TTLL5: variants seen among roughly 807,000 people sequenced by gnomAD.
The protein encoded by TTLL5 is tubulin polyglutamylase TTLL5.
TTLL5 carries 132 observed loss-of-function variants against 168.4 expected under a neutral mutation model. That is an observed-to-expected ratio of 0.78 (90% CI 0.68 to 0.91). TTLL5 has a LOEUF of 0.91. Among genes scored for constraint, TTLL5 ranks in the 40% least tolerant of loss-of-function variants. The probability of loss-of-function intolerance (pLI) is 0.00; values close to 1 mark genes in which losing one functional copy is unlikely to be tolerated. For synonymous variants in TTLL5, 546 were observed against 558.6 expected (o/e 0.98, Z 0.32); for missense variants, 1,545 against 1,581.5 (o/e 0.98, Z 0.39).
At chr14:75,785,708 G>A (rs1892327448) in intron 26 of TTLL5, among the ~76,000 whole-genome samples, 1 of 152,166 alleles carries the variant, frequency 6.6e-6, no homozygotes, top group African/African-American at 2.4e-5. Flanking sequence ...TAAGGCCTCA[G>A]TTTTATTCCA....
At chr14:75,794,361 A>G (rs1029161911) in intron 27 of TTLL5, among the ~76,000 whole-genome samples, 1 of 151,896 alleles carries the variant, frequency 6.6e-6, no homozygotes, top group Non-Finnish European at 1.5e-5. Context: ...CTACACTTTT[A>G]TCATTGGGTC....
In TTLL5 at chr14:75,663,306, CTTCTCTT is replaced by C. The variant is rs1890873198; in HGVS notation, c.74+86_74+92del. 3 of 1,302,868 alleles carry C rather than the reference CTTCTCTT, an allele frequency of 2.3e-6. No homozygotes were observed. The African/African-American group carries it at 4.4e-5, about 19-fold the overall frequency. The allele number at this position is 1,302,868 out of a possible 1,614,324, so 80.7% of individuals were successfully genotyped here. ...CTTATATACTGTTTTACTATATACT[CTTCTCTT>C]TTACTTATGTACTCTTTTATCTAGT... On this transcript the variant is annotated intron_variant, in intron 2 of 31. Coordinates refer to ENST00000298832, the MANE Select transcript of TTLL5 (RefSeq NM_015072.5).
chr14:75,779,694 CA>C lies in TTLL5; in HGVS notation c.2511del (p.Gly838ValfsTer7). The C allele has an allele frequency of 6.2e-7, 1 of 1,610,522 alleles. No individual in the cohort carries two copies. The highest frequency in any genetic ancestry group is 1.3e-5 in the African/African-American group (1 of 74,702). On this transcript the variant is annotated frameshift_variant, in exon 24 of 32. Transcript: ENST00000298832. LOFTEE classifies it high-confidence loss of function. ...AACAACAATTATTCTGATAGTGGGG[CA>C]AAAGGTGGTAAGTATACTGGTTAAT... ...KNNNNYSDSGAKGDHPETIME... is the reference protein window; with the variant it reads ...KNNNNYSDSGXKGDHPETIME...
At chr14:75,880,922 C>G (rs550843592) in intron 29 of TTLL5, among the ~76,000 whole-genome samples, 3 of 151,988 alleles carry the variant, frequency 2.0e-5, no homozygotes, top group East Asian at 3.9e-4. Context: ...CTCTTCCCCC[C>G]GCTTTTTTTG....
chr14:75,675,884 G>A (rs914081998), intron 3 of TTLL5, among the ~76,000 whole-genome samples: 2 of 152,162 alleles, frequency 1.3e-5, no homozygotes, highest in Admixed American at 1.3e-4. Context: ...ATTGGTTTAT[G>A]TAATTATGTA....
At chr14:75,753,404 G>A (rs1890073404) in intron 18 of TTLL5, among the ~76,000 whole-genome samples, 1 of 152,126 alleles carries the variant, frequency 6.6e-6, no homozygotes, top group African/African-American at 2.4e-5. Context: ...CAGTACAAGG[G>A]AAAATGGAAA....
intron 15 of TTLL5, chr14:75,737,664 A>C: frequency 6.7e-7 from 1 of 1,499,940 alleles, no homozygotes; most frequent in Non-Finnish European, 8.9e-7. Flanking sequence ...CTCCAAATGG[A>C]AAGTTTTTTA....
intron 31 of TTLL5, among the ~76,000 whole-genome samples, chr14:75,925,835 G>A (rs906779498): frequency 1.1e-3 from 171 of 152,172 alleles, no homozygotes; most frequent in Admixed American, 1.9e-3. Context: ...GATCACTCGC[G>A]GTTAGGAGCT....
At chr14:75,831,656 G>A (rs1895573237) in intron 28 of TTLL5, among the ~76,000 whole-genome samples, 1 of 152,184 alleles carries the variant, frequency 6.6e-6, no homozygotes, top group Non-Finnish European at 1.5e-5. Flanking sequence ...GGGAGTGGGT[G>A]GGGTCCTGCC....
intron 17 of TTLL5, 67 bp from the exon 18 acceptor site, chr14:75,752,826 G>GT: frequency 7.0e-7 from 1 of 1,433,650 alleles, no homozygotes; most frequent in South Asian, 1.2e-5. Flanking sequence ...TTGATTCATG[G>GT]TTGTATTTCT....
At chr14:75,704,178 C>T (rs1223102337) in intron 7 of TTLL5, among the ~76,000 whole-genome samples, 1 of 152,172 alleles carries the variant, frequency 6.6e-6, no homozygotes, top group Non-Finnish European at 1.5e-5. Flanking sequence ...CTCTTAACCA[C>T]TATATCATTC....
At position 75,718,090 on chromosome 14, in the gene TTLL5, T is replaced by C. The variant is rs984383165; in HGVS notation, c.842+128T>C. ...AATGTCCATGTACCATTTATGGAAA[T>C]CTGTCAGTCATATAACAGTGTTGAG... On this transcript the variant is annotated intron_variant, in intron 10 of 31. Transcript: ENST00000298832. 6.5e-6 allele frequency: 5 copies of C among 774,190 alleles called. No individual in the cohort carries two copies. In the African/African-American group the frequency reaches 8.6e-5, roughly 13 times the overall value. The allele number at this position is 774,190 out of a possible 1,614,324, so 48.0% of individuals were successfully genotyped here.
At chr14:75,816,173 GA>G (rs768955261) in intron 27 of TTLL5, among the ~76,000 whole-genome samples, 6 of 152,116 alleles carry the variant, frequency 3.9e-5, no homozygotes, top group Non-Finnish European at 7.4e-5. Flanking sequence ...GATCATGCAA[GA>G]ACCCAGCACT....
intron 31 of TTLL5, among the ~76,000 whole-genome samples, chr14:75,937,651 T>C (rs1285445260): frequency 6.6e-6 from 1 of 152,194 alleles, no homozygotes; most frequent in East Asian, 1.9e-4. Context: ...TTATTTCACT[T>C]AGCATAGTGT....
chr14:75,682,277 G>T (rs1186996247), intron 4 of TTLL5, among the ~76,000 whole-genome samples: 1 of 151,964 alleles, frequency 6.6e-6, no homozygotes, highest in African/African-American at 2.4e-5. Context: ...AGCTGAAAAG[G>T]CAGGCCTTTG....
intron 27 of TTLL5, among the ~76,000 whole-genome samples, chr14:75,807,311 G>A (rs1241026653): frequency 2.6e-5 from 4 of 152,054 alleles, no homozygotes; most frequent in South Asian, 2.1e-4. Flanking sequence ...AGCCAGGTGC[G>A]GTGGCACGTG....
rs1334846236 is a variant in TTLL5 at position 75,720,743 on chromosome 14, G to T, written c.1042+40G>T. ...GAAGCTTAACATGTTTTGTGAAGAG[G>T]ATCTTGGGAAGTTGGACGGGATTTT... On this transcript the variant is annotated intron_variant, in intron 12 of 31. Transcript: ENST00000298832. 1.9e-6 allele frequency: 3 copies of T among 1,559,302 alleles called. No individual in the cohort carries two copies. In the Admixed American group the frequency reaches 5.0e-5, roughly 26 times the overall value.
At chr14:75,807,430 G>A (rs1453734067) in intron 27 of TTLL5, among the ~76,000 whole-genome samples, 1 of 152,202 alleles carries the variant, frequency 6.6e-6, no homozygotes, top group African/African-American at 2.4e-5. Flanking sequence ...TACAAAGTAA[G>A]AAAGACCCTG....
chr14:75,765,736 G>T (rs983921474), intron 19 of TTLL5, among the ~76,000 whole-genome samples: 2 of 152,022 alleles, frequency 1.3e-5, no homozygotes, highest in Non-Finnish European at 2.9e-5. Context: ...GGTAACATGT[G>T]CCTATAGTCC....
Sources: gnomAD v4.1 joint callset for allele counts (sites outside exome capture counted in the v4.1 genomes callset) on GRCh38, gnomAD v4.1.1 for gene constraint, MANE v1.5 for transcripts, NCBI Gene and HGNC (gene_info 2026-07-23, HGNC 2026-07-21) for gene names.